Variants in ASTN2 observed in about 807,000 individuals in gnomAD.
ASTN2 encodes astrotactin 2, also known as astrotactin-2.
A neutral mutation model predicts 139.8 loss-of-function variants in ASTN2; 54 were observed. The observed-to-expected ratio is 0.39, with a 90% CI of 0.31 to 0.48. The LOEUF is 0.48. ASTN2 is among the 20% of genes least tolerant of loss of function. ASTN2 has a pLI of 0.95. For synonymous variants in ASTN2, 756 were observed against 719.5 expected (o/e 1.05, Z -0.81); for missense variants, 1,565 against 1,725.1 (o/e 0.91, Z 1.64).
intron 19 of ASTN2, among the ~76,000 whole-genome samples, chr9:116,531,506 C>T (rs563567140): frequency 6.7e-6 from 1 of 149,812 alleles, no homozygotes; most frequent in African/African-American, 2.4e-5. Flanking sequence ...CCTAATGCTA[C>T]CACTCCCCCT....
At chr9:117,156,404 T>C (rs116832895) in intron 3 of ASTN2, among the ~76,000 whole-genome samples, 8,334 of 152,126 alleles carry the variant, frequency 0.055, 343 homozygotes, top group African/African-American at 0.11. Context: ...TTTGGCACTA[T>C]TGACATTTGA....
At chr9:116,446,983 C>T (rs1332658901) in intron 20 of ASTN2, among the ~76,000 whole-genome samples, 3 of 152,162 alleles carry the variant, frequency 2.0e-5, no homozygotes, top group Non-Finnish European at 2.9e-5. Context: ...CAAAGTCCAT[C>T]ACTCTCAGGA....
intron 10 of ASTN2, among the ~76,000 whole-genome samples, chr9:116,878,825 G>T (rs1833371942): frequency 6.6e-6 from 1 of 151,696 alleles, no homozygotes; most frequent in Admixed American, 6.6e-5. Flanking sequence ...TGAAGCTTGA[G>T]GATTATTTAT....
chr9:116,635,896 T>G (rs938141872), intron 17 of ASTN2, among the ~76,000 whole-genome samples: 1 of 152,176 alleles, frequency 6.6e-6, no homozygotes, highest in Non-Finnish European at 1.5e-5. Context: ...AAAACCCAGT[T>G]TCCAAGGGGC....
chr9:117,086,075 G>A (rs999678456), intron 5 of ASTN2, among the ~76,000 whole-genome samples: 3 of 152,202 alleles, frequency 2.0e-5, no homozygotes, highest in Admixed American at 6.5e-5. Context: ...ACAGCATAGA[G>A]ATAATTCAAT....
intron 13 of ASTN2, among the ~76,000 whole-genome samples, chr9:116,745,609 G>A (rs1829213767): frequency 6.6e-6 from 1 of 152,104 alleles, no homozygotes; most frequent in Non-Finnish European, 1.5e-5. Context: ...GTTTCCCTCA[G>A]AGCCCTCCTC....
At chr9:116,597,299 ATTTTT>A (rs757848093) in intron 19 of ASTN2, among the ~76,000 whole-genome samples, 2 of 75,532 alleles carry the variant, frequency 2.6e-5, no homozygotes, top group Non-Finnish European at 4.9e-5. Context: ...CTTTTGATCT[ATTTTT>A]TTTTTTTTTT....
intron 19 of ASTN2, among the ~76,000 whole-genome samples, chr9:116,502,185 GAGAGAGAC>G (rs373630452): frequency 6.6e-4 from 101 of 152,092 alleles, no homozygotes; most frequent in African/African-American, 2.1e-3. Flanking sequence ...GTATGTGAGA[GAGAGAGAC>G]AGAGAGACAG....
intron 11 of ASTN2, among the ~76,000 whole-genome samples, chr9:116,838,141 G>A (rs892742525): frequency 2.2e-5 from 3 of 138,880 alleles, no homozygotes; most frequent in Non-Finnish European, 4.5e-5. Flanking sequence ...ACAGAGTCAC[G>A]CTCTGTCACC....
In ASTN2 at chr9:117,386,959, G is replaced by A. The variant is rs568304327; in HGVS notation, c.442+27538C>T. The stretch of plus-strand genomic sequence containing the variant: ...AATGGGAGAAGCAGAACAGCAGTGG[G>A]TTAGGGGCCAGTCCTGCCACCAACA... On this transcript the variant is annotated intron_variant, in intron 1 of 22. Transcript: ENST00000313400. Among the ~76,000 whole-genome samples the A allele has an allele frequency of 1.4e-4, 21 of 152,280 alleles. No individual in the cohort carries two copies. In the South Asian group the frequency reaches 4.1e-3, roughly 30 times the overall value.
chr9:116,474,142 C>T (rs917737139), intron 20 of ASTN2, among the ~76,000 whole-genome samples: 1 of 152,130 alleles, frequency 6.6e-6, no homozygotes, highest in Non-Finnish European at 1.5e-5. Context: ...TAGTCTGACT[C>T]AAGACCCCAT....
chr9:117,299,165 C>T (rs967817962), intron 1 of ASTN2, among the ~76,000 whole-genome samples: 3 of 152,102 alleles, frequency 2.0e-5, no homozygotes, highest in Non-Finnish European at 4.4e-5. Context: ...CACTGGACCA[C>T]GAAGAATGGC....
At chr9:116,757,839 C>T (rs558186845) in intron 13 of ASTN2, among the ~76,000 whole-genome samples, 5 of 152,142 alleles carry the variant, frequency 3.3e-5, no homozygotes, top group African/African-American at 7.2e-5. Context: ...AGTTTCTCAT[C>T]GGCAGAAGGA....
intron 3 of ASTN2, among the ~76,000 whole-genome samples, chr9:117,171,571 G>T (rs1830793740): frequency 6.6e-6 from 1 of 152,114 alleles, no homozygotes; most frequent in Admixed American, 6.5e-5. Flanking sequence ...GGAGGGACCT[G>T]GTGGGAAGTG....
intron 18 of ASTN2, 73 bp downstream of exon 18, chr9:116,620,237 C>G (rs1856065148): frequency 6.2e-7 from 1 of 1,603,970 alleles, no homozygotes; most frequent in African/African-American, 1.3e-5. Context: ...CAAGTCATGG[C>G]ATGGGCTGGC....
intron 5 of ASTN2, among the ~76,000 whole-genome samples, chr9:117,086,199 C>A (rs925673965): frequency 1.3e-5 from 2 of 152,158 alleles, no homozygotes; most frequent in Non-Finnish European, 2.9e-5. Flanking sequence ...TCATATTCTA[C>A]CTTGCTGGTC....
chr9:117,096,044 C>G lies in ASTN2; in HGVS notation c.1276G>C (p.Gly426Arg). ...TGGAACCTTCCAAGGACACTATTAC[C>G]TTTGCTGCGGCGGCGACTGCGGTAC... ...EQYRSRRRSK[G>R]LLKSPVNKTA... The change falls in exon 5 of 23, where the codon GGT (glycine) becomes CGT (arginine). Residue 426 changes from glycine (G) to arginine (R), a missense_variant and splice_region_variant. Transcript: ENST00000313400. 6.2e-7 allele frequency: 1 copy of G among 1,613,848 alleles called. No homozygotes were observed. Among genetic ancestry groups the G allele is most frequent in the Non-Finnish European group, 8.5e-7 (1 of 1,179,814 alleles).
intron 19 of ASTN2, among the ~76,000 whole-genome samples, chr9:116,607,318 T>C (rs928571881): frequency 6.6e-6 from 1 of 152,114 alleles, no homozygotes; most frequent in Non-Finnish European, 1.5e-5. Flanking sequence ...ATTCATCATC[T>C]TGTATCTTTA....
At chr9:116,799,709 G>GGT (rs1554748057) in intron 13 of ASTN2, among the ~76,000 whole-genome samples, 1 of 136,550 alleles carries the variant, frequency 7.3e-6, no homozygotes, top group East Asian at 2.2e-4. Context: ...AAGAGAGTGG[G>GGT]GGGGGGGAGA....
Sources: gnomAD v4.1 joint callset for allele counts (sites outside exome capture counted in the v4.1 genomes callset) on GRCh38, gnomAD v4.1.1 for gene constraint, MANE v1.5 for transcripts, NCBI Gene and HGNC (gene_info 2026-07-23, HGNC 2026-07-21) for gene names.